PHACTR2: variants seen among roughly 807,000 people sequenced by gnomAD.
PHACTR2 encodes phosphatase and actin regulator 2.
PHACTR2 carries 30 observed loss-of-function variants against 76.0 expected under a neutral mutation model. The ratio of observed to expected loss-of-function variants is 0.39; its 90% CI spans 0.30 to 0.54. The LOEUF (loss-of-function observed/expected upper bound fraction) is 0.54, where lower values mean the gene tolerates loss of function less well. Ranked by LOEUF, PHACTR2 falls within the 20% of genes least tolerant of loss-of-function variation. The pLI, the probability that PHACTR2 is intolerant of heterozygous loss-of-function variation, is 0.61. For synonymous variants in PHACTR2, 292 were observed against 292.5 expected (o/e 1.00, Z 0.02); for missense variants, 696 against 781.1 (o/e 0.89, Z 1.30).
chr6:143,760,436 C>T lies in PHACTR2; in HGVS notation c.490C>T (p.Pro164Ser), dbSNP rs1779409268. Residue 164 changes from proline to serine, a missense_variant, in exon 5 of 13, where the codon CCT (proline) becomes TCT (serine). Around this residue, in one of 2 missense-constraint regions of PHACTR2, gnomAD observed 460 missense variants for 450.9 expected, o/e 1.02. Coordinates refer to ENST00000440869, the MANE Select transcript of PHACTR2 (RefSeq NM_001100164.2). The surrounding 1 kb of genome is among the most constrained non-coding windows in gnomAD (Gnocchi z 6.4). ...AAACCACTCTGAAACACCGGCAGCT[C>T]CTGCTCTACCTCCTTCTGCTCCTCC... ...TENHSETPAA[P>S]ALPPSAPPKP... 1 of 1,613,462 alleles carries T rather than the reference C, an allele frequency of 6.2e-7. No individual in the cohort carries two copies. The highest frequency in any genetic ancestry group is 8.5e-7 in the Non-Finnish European group (1 of 1,179,562).
chr6:143,699,836 G>A (rs145610092), intron 1 of PHACTR2, among the ~76,000 whole-genome samples: 3 of 152,146 alleles, frequency 2.0e-5, no homozygotes, highest in African/African-American at 4.8e-5. Context: ...CTGGGTTGCT[G>A]CAGTCATCTC....
chr6:143,600,846 T>C lies in PHACTR2; in HGVS notation c.217+63639T>C, dbSNP rs147652503. ...CTTTAAAAGAAATTATGCTTTTGCA[T>C]TGAAAGCAGAAGTTCAATAAAATAA... On this transcript the variant is annotated intron_variant, in intron 1 of 11. Transcript: ENST00000367584. Among the ~76,000 whole-genome samples the C allele has an allele frequency of 1.0e-3, 156 of 152,346 alleles. 1 individual carries two copies. Among genetic ancestry groups the C allele is most frequent in the African/African-American group, 3.5e-3 (145 of 41,588 alleles).
At chr6:143,559,397 G>A (rs973811287) in intron 1 of PHACTR2, among the ~76,000 whole-genome samples, 5 of 152,180 alleles carry the variant, frequency 3.3e-5, no homozygotes, top group Non-Finnish European at 7.4e-5. Flanking sequence ...GAGAAAGGAA[G>A]GAGAGGAAGA....
At position 143,600,000 on chromosome 6, in the gene PHACTR2, C is replaced by T. The variant is rs1433895685; in HGVS notation, c.217+62793C>T. ...AGTGAGCTGGATTTGATTAGACTAC[C>T]AGTTGGCAGCTCATGATTCTAATCT... is the stretch of plus-strand genomic sequence containing the variant. On this transcript the variant is annotated intron_variant, in intron 1 of 11. Transcript: ENST00000367584. This position sits in a 1 kb window ranked among gnomAD's most constrained non-coding sequence, Gnocchi z 4.6. Among the ~76,000 whole-genome samples the T allele has an allele frequency of 6.6e-6, 1 of 152,228 alleles. No homozygotes were observed. Among genetic ancestry groups the T allele is most frequent in the Non-Finnish European group, 1.5e-5 (1 of 68,046 alleles).
In PHACTR2 at chr6:143,679,040, TAAA is replaced by T. The variant is rs1198454142; in HGVS notation, c.46+832_46+834del. On this transcript the variant is annotated intron_variant, in intron 1 of 12. Transcript: ENST00000440869. The surrounding 1 kb of genome is among the most constrained non-coding windows in gnomAD (Gnocchi z 4.6). ...ATATTTTTCCATCAACGATTAAAAA[TAAA>T]TAATACTCGAAGGGACCGTTTATGT... 6.6e-6 allele frequency among the ~76,000 whole-genome samples: 1 copy of T among 152,096 alleles called. No homozygotes were observed.
At chr6:143,716,439 C>T (rs914228793) in intron 2 of PHACTR2, among the ~76,000 whole-genome samples, 2 of 152,156 alleles carry the variant, frequency 1.3e-5, no homozygotes, top group Non-Finnish European at 2.9e-5. Context: ...AATCCTCCCG[C>T]CTCAGCCTCC....
intron 1 of PHACTR2, among the ~76,000 whole-genome samples, chr6:143,577,640 C>A (rs1381006790): frequency 6.6e-6 from 1 of 152,128 alleles, no homozygotes; most frequent in Non-Finnish European, 1.5e-5. Flanking sequence ...TTGTGCAAGG[C>A]TTTGAATCAC....
At position 143,760,487 on chromosome 6, in the gene PHACTR2, A is replaced by G. The variant is rs1417748386; in HGVS notation, c.541A>G (p.Lys181Glu). 6.2e-7 allele frequency: 1 copy of G among 1,613,736 alleles called. No homozygotes were observed. The stretch of plus-strand genomic sequence containing the variant: ...TAAGCCTAGACCCAAACCTAAACCC[A>G]AAAAATCACCTGTGCCTCCGAAAGG... The part of the protein sequence containing the change: ...PPKPRPKPKP[K>E]KSPVPPKGAT... The change falls in exon 5 of 13, where the codon AAA (lysine) becomes GAA (glutamate). Residue 181 changes from lysine to glutamate, a missense_variant. Transcript: ENST00000440869. The surrounding 1 kb of genome is among the most constrained non-coding windows in gnomAD (Gnocchi z 6.4).
At chr6:143,703,156 T>TAAAAAAAAAAAAAAAAAAA (rs57738495) in intron 1 of PHACTR2, among the ~76,000 whole-genome samples, 1 of 91,152 alleles carries the variant, frequency 1.1e-5, no homozygotes, top group Non-Finnish European at 2.1e-5. Context: ...AAAAAATTAC[T>TAAAAAAAAAAAAAAAAAAA]AAAAAAAAAA....
rs1210392197 is a variant in PHACTR2 at position 143,602,954 on chromosome 6, G to A, written c.217+65747G>A. ...GTGGTCAGGAGTTTGAGACCAGCCT[G>A]GCCAACATGGCAAAACCCCGTCTCT... On this transcript the variant is annotated intron_variant, in intron 1 of 11. Coordinates refer to the PHACTR2 transcript ENST00000367584. This position sits in a 1 kb window ranked among gnomAD's most constrained non-coding sequence, Gnocchi z 6.1. Among the ~76,000 whole-genome samples, 2 of 152,042 alleles carry A rather than the reference G, an allele frequency of 1.3e-5. No individual in the cohort carries two copies. Among genetic ancestry groups the A allele is most frequent in the Non-Finnish European group, 2.9e-5 (2 of 68,020 alleles).
intron 1 of PHACTR2, among the ~76,000 whole-genome samples, chr6:143,612,380 G>T (rs1428817915): frequency 1.3e-5 from 2 of 152,192 alleles, no homozygotes; most frequent in African/African-American, 4.8e-5. Flanking sequence ...TTCCTGAACA[G>T]CTAAAGATGG....
rs552590780 is a variant in PHACTR2 at position 143,659,285 on chromosome 6, A to C, written c.13+50963A>C. Among the ~76,000 whole-genome samples the C allele has an allele frequency of 4.6e-5, 7 of 152,300 alleles. No individual in the cohort carries two copies. In the East Asian group the frequency reaches 9.6e-4, roughly 21 times the overall value. On this transcript the variant is annotated intron_variant, in intron 1 of 11. Coordinates refer to the PHACTR2 transcript ENST00000305766. This position sits in a 1 kb window ranked among gnomAD's most constrained non-coding sequence, Gnocchi z 5.0. ...ACTTTTTTACTTTATAAACTTTAAA[A>C]ATTTTTTAAACTTTTTTACTGTTTT...
At position 143,556,304 on chromosome 6, in the gene PHACTR2, G is replaced by A. The variant is rs936218387; in HGVS notation, c.217+19097G>A. Among the ~76,000 whole-genome samples, 2 of 152,238 alleles carry A rather than the reference G, an allele frequency of 1.3e-5. No homozygotes were observed. The highest frequency in any genetic ancestry group is 4.8e-5 in the African/African-American group (2 of 41,464). On this transcript the variant is annotated intron_variant, in intron 1 of 11. Coordinates refer to the PHACTR2 transcript ENST00000367584. The surrounding 1 kb of genome is among the most constrained non-coding windows in gnomAD (Gnocchi z 4.3). ...TTAAGGTATGGACTTTAGGTGTGGG[G>A]CATCTCCAATGCTCCTGCGTGCCAG...
rs1283762934 is a variant in PHACTR2 at position 143,783,037 on chromosome 6, A to ATG, written c.1646-168_1646-167dup. Among the ~76,000 whole-genome samples, 27 of 50,332 alleles carry ATG rather than the reference A, an allele frequency of 5.4e-4. No individual in the cohort carries two copies. Among genetic ancestry groups the ATG allele is most frequent in the East Asian group, 2.3e-3 (4 of 1,748 alleles). 33.0% of individuals were successfully genotyped at this position (50,332 alleles called of 152,430 possible). ...TGTGTGTGTGTGTGTGTGTGTGTGT[A>ATG]TGTGTGTGTGTGTGTAAGATGATCA... On this transcript the variant is annotated intron_variant, in intron 9 of 12. Transcript: ENST00000440869. The surrounding 1 kb of genome is among the most constrained non-coding windows in gnomAD (Gnocchi z 5.2).
In PHACTR2 at chr6:143,537,268, C is replaced by G. The variant is rs1357109753; in HGVS notation, c.217+61C>G. 5.8e-6 allele frequency: 1 copy of G among 171,692 alleles called. No individual in the cohort carries two copies. The highest frequency in any genetic ancestry group is 1.7e-4 in the East Asian group (1 of 6,036). The allele number at this position is 171,692 out of a possible 1,614,324, so 10.6% of individuals were successfully genotyped here. On this transcript the variant is annotated intron_variant, in intron 1 of 11. Coordinates refer to the PHACTR2 transcript ENST00000367584. The surrounding 1 kb of genome is among the most constrained non-coding windows in gnomAD (Gnocchi z 4.4). ...GGCCGCGGGCAGGTGGCCGCGAGGG[C>G]GACGCGGCCAACCCGGGGCGCCCGC...
chr6:143,760,513 G>A lies in PHACTR2; in HGVS notation c.567G>A (p.Gly189=), dbSNP rs1359539345. ...AAAAATCACCTGTGCCTCCGAAAGG[G>A]GCCACTGCTGGGGCCAGCCACAAAG... is the stretch of plus-strand genomic sequence containing the variant. ...KPKKSPVPPK[G]ATAGASHKGD... is the part of the protein sequence containing the mutation. The change falls in exon 5 of 13, where the codon GGG becomes GGA. Residue 189 remains glycine, a synonymous_variant. Transcript: ENST00000440869. This position sits in a 1 kb window ranked among gnomAD's most constrained non-coding sequence, Gnocchi z 6.4. 4 of 1,613,616 alleles carry A rather than the reference G, an allele frequency of 2.5e-6. No individual in the cohort carries two copies. Among genetic ancestry groups the A allele is most frequent in the East Asian group, 4.5e-5 (2 of 44,874 alleles).
Position 143,755,408 on chromosome 6 carries a change from C to G in PHACTR2, c.454+1496C>G. ...ACAGTGCCATCTCTGGTGCCTGGTCCGTGCAGGGTATTCGTCACTGGACTG... is the reference window on the plus strand; with the variant it reads ...ACAGTGCCATCTCTGGTGCCTGGTCGGTGCAGGGTATTCGTCACTGGACTG... On this transcript the variant is annotated intron_variant, in intron 4 of 12. Coordinates refer to ENST00000440869, the MANE Select transcript of PHACTR2 (RefSeq NM_001100164.2). The surrounding 1 kb of genome is among the most constrained non-coding windows in gnomAD (Gnocchi z 5.2). The G allele has an allele frequency of 2.2e-6, 1 of 455,720 alleles. No individual in the cohort carries two copies. The highest frequency in any genetic ancestry group is 4.4e-6 in the Non-Finnish European group (1 of 226,626). 28.2% of individuals were successfully genotyped at this position (455,720 alleles called of 1,614,324 possible). A position where few individuals can be genotyped will look rare whatever the true frequency, so the allele number is the denominator to read the frequency against.
In PHACTR2 at chr6:143,739,088, C is replaced by T. The variant is rs1778882697; in HGVS notation, c.215-9897C>T. On this transcript the variant is annotated intron_variant, in intron 2 of 12. Coordinates refer to ENST00000440869, the MANE Select transcript of PHACTR2 (RefSeq NM_001100164.2). This position sits in a 1 kb window ranked among gnomAD's most constrained non-coding sequence, Gnocchi z 4.3. ...ATTATTTATTTATTTATTTTTGAGA[C>T]GGAGTCTCTCTCTGTCCCGAGGCTG... Among the ~76,000 whole-genome samples, 1 of 152,198 alleles carries T rather than the reference C, an allele frequency of 6.6e-6. No homozygotes were observed. The highest frequency in any genetic ancestry group is 3.4e-3 in the Middle Eastern group (1 of 294).
At chr6:143,713,911 C>T (rs964592468) in intron 2 of PHACTR2, among the ~76,000 whole-genome samples, 17 of 152,168 alleles carry the variant, frequency 1.1e-4, no homozygotes, top group Admixed American at 1.0e-3. Flanking sequence ...ACGTAACGTA[C>T]GAAAACGAAC....
Sources: allele counts gnomAD v4.1 joint callset (sites outside exome capture counted in the v4.1 genomes callset), GRCh38; gene constraint gnomAD v4.1.1; regional missense constraint gnomAD v4.1.1; non-coding constraint Gnocchi (gnomAD v3.1); transcripts MANE v1.5; gene names NCBI Gene and HGNC (gene_info 2026-07-23, HGNC 2026-07-21).